The following HCN1 variants were observed in gnomAD, a reference collection of about 807,000 sequenced individuals.
The protein encoded by HCN1 is hyperpolarization activated cyclic nucleotide gated potassium channel 1, also known as potassium/sodium hyperpolarization-activated cyclic nucleotide-gated channel 1.
Under a neutral mutation model 78.9 loss-of-function variants are expected in HCN1, and 13 were observed. The observed-to-expected ratio is 0.16, with a 90% CI of 0.11 to 0.26. The LOEUF (loss-of-function observed/expected upper bound fraction) is 0.26. Ranked by LOEUF, HCN1 falls within the 10% of genes least tolerant of loss-of-function variation. The pLI, the probability that HCN1 is intolerant of heterozygous loss-of-function variation, is 1.00. For missense variants in HCN1, 810 were observed against 1,154.3 expected (o/e 0.70, Z 4.32); for synonymous variants, 552 against 455.5 (o/e 1.21, Z -2.70).
intron 2 of HCN1, among the ~76,000 whole-genome samples, chr5:45,513,898 T>C (rs1272932288): frequency 1.3e-5 from 2 of 152,066 alleles, no homozygotes; most frequent in African/African-American, 4.8e-5. Flanking sequence ...TGCAAGAATT[T>C]CCATAATGAT....
intron 3 of HCN1, among the ~76,000 whole-genome samples, chr5:45,423,015 G>A (rs1394943859): frequency 1.3e-5 from 2 of 151,888 alleles, no homozygotes; most frequent in East Asian, 3.9e-4. Context: ...TTATTATTTA[G>A]TTATTAAAAA....
chr5:45,620,432 T>C (rs1561222845), intron 2 of HCN1, among the ~76,000 whole-genome samples: 1 of 151,982 alleles, frequency 6.6e-6, no homozygotes, highest in Non-Finnish European at 1.5e-5. Flanking sequence ...GTAAGTACCC[T>C]ATATAATATT....
chr5:45,427,452 A>G (rs2112073546), intron 3 of HCN1, among the ~76,000 whole-genome samples: 1 of 152,240 alleles, frequency 6.6e-6, no homozygotes, highest in South Asian at 2.1e-4. Flanking sequence ...CTAATAAAAA[A>G]TCTTTGCCTC....
chr5:45,373,381 A>G (rs1344991639), intron 4 of HCN1, among the ~76,000 whole-genome samples: 3 of 107,464 alleles, frequency 2.8e-5, no homozygotes, highest in African/African-American at 4.6e-5. Flanking sequence ...TATTTTATAT[A>G]ATATATGTAA....
chr5:45,379,614 T>G (rs1170627187), intron 4 of HCN1, among the ~76,000 whole-genome samples: 1 of 152,130 alleles, frequency 6.6e-6, no homozygotes, highest in African/African-American at 2.4e-5. Flanking sequence ...CTTCTATTTG[T>G]GTTTTTCTGC....
At chr5:45,591,894 T>C (rs1416516209) in intron 2 of HCN1, among the ~76,000 whole-genome samples, 2 of 152,206 alleles carry the variant, frequency 1.3e-5, no homozygotes, top group Admixed American at 1.3e-4. Context: ...TCTCCTATGT[T>C]TTCTTCTAGG....
rs115883064 is a variant in HCN1, at chr5:45,577,598, C to A, written c.849+67587G>T. 2.1e-3 allele frequency among the ~76,000 whole-genome samples: 320 copies of A among 151,882 alleles called. 1 individual carries two copies. Among genetic ancestry groups the A allele is most frequent in the African/African-American group, 7.5e-3 (312 of 41,462 alleles). ...TTTTACAAAACATTTGGCCTCCAGT[C>A]CTTAAATAATAATCCATTGCAGGAT... On this transcript the variant is annotated intron_variant, in intron 2 of 7. Transcript: ENST00000303230.
At chr5:45,404,232 T>G (rs1739876665) in intron 3 of HCN1, among the ~76,000 whole-genome samples, 1 of 152,156 alleles carries the variant, frequency 6.6e-6, no homozygotes, top group Non-Finnish European at 1.5e-5. Context: ...TATATTTTAG[T>G]GTACATTACT....
chr5:45,567,943 CACAT>C lies in HCN1; in HGVS notation c.849+77238_849+77241del, dbSNP rs1181264288. 6.1e-4 allele frequency among the ~76,000 whole-genome samples: 87 copies of C among 143,386 alleles called. 1 individual carries two copies. Among genetic ancestry groups the C allele is most frequent in the African/African-American group, 1.7e-3 (69 of 40,012 alleles). The allele number at this position is 143,386 out of a possible 152,430, so 94.1% of individuals were successfully genotyped here. On this transcript the variant is annotated intron_variant, in intron 2 of 7. Transcript: ENST00000303230. The stretch of plus-strand genomic sequence containing the variant: ...ACACACACACACACACACACACACA[CACAT>C]ATACACACACTGCTATCTATGGTAA...
At chr5:45,493,565 C>T (rs1441834213) in intron 2 of HCN1, among the ~76,000 whole-genome samples, 1 of 151,338 alleles carries the variant, frequency 6.6e-6, no homozygotes, top group Non-Finnish European at 1.5e-5. Flanking sequence ...CAATGTATTT[C>T]AATTGTGTTT....
intron 2 of HCN1, among the ~76,000 whole-genome samples, chr5:45,561,820 T>C (rs1743610663): frequency 2.0e-5 from 3 of 152,230 alleles, no homozygotes; most frequent in Admixed American, 1.3e-4. Context: ...TCATACTTAC[T>C]TAACAAAATC....
intron 2 of HCN1, among the ~76,000 whole-genome samples, chr5:45,609,009 C>T (rs1461483228): frequency 6.6e-6 from 1 of 151,962 alleles, no homozygotes; most frequent in East Asian, 1.9e-4. Context: ...CAGGGAAATG[C>T]AAATTCAAAC....
chr5:45,411,099 GATAA>G (rs1430310722), intron 3 of HCN1, among the ~76,000 whole-genome samples: 1 of 152,032 alleles, frequency 6.6e-6, no homozygotes, highest in African/African-American at 2.4e-5. Context: ...ACTTGTCTCT[GATAA>G]ATAAATTCTC....
intron 2 of HCN1, chr5:45,576,324 T>A (rs1743944372): frequency 6.6e-6 from 1 of 152,184 alleles, no homozygotes; most frequent in African/African-American, 2.4e-5. Context: ...AGATTTGGAC[T>A]ATTACATAAA....
intron 2 of HCN1, among the ~76,000 whole-genome samples, chr5:45,620,563 C>CATAT (rs535553053): frequency 6.6e-6 from 1 of 150,662 alleles, no homozygotes; most frequent in African/African-American, 2.4e-5. Flanking sequence ...CTTTAAAATA[C>CATAT]ATATATATAT....
At chr5:45,499,873 T>C (rs1435177135) in intron 2 of HCN1, among the ~76,000 whole-genome samples, 2 of 152,142 alleles carry the variant, frequency 1.3e-5, no homozygotes, top group Non-Finnish European at 1.5e-5. Flanking sequence ...ATCTATCTCT[T>C]CCCAGCCTAC....
At chr5:45,584,358 CT>C (rs1311529071) in intron 2 of HCN1, among the ~76,000 whole-genome samples, 3 of 151,876 alleles carry the variant, frequency 2.0e-5, no homozygotes, top group African/African-American at 7.3e-5. Flanking sequence ...CAACCCCTGC[CT>C]TTTTTTGTTT....
intron 2 of HCN1, among the ~76,000 whole-genome samples, chr5:45,551,775 T>C (rs1191593100): frequency 6.6e-6 from 1 of 151,960 alleles, no homozygotes; most frequent in African/African-American, 2.4e-5. Flanking sequence ...AAAGGATTTA[T>C]AACAAAAACA....
intron 3 of HCN1, among the ~76,000 whole-genome samples, chr5:45,412,020 A>G (rs77707815): frequency 0.03 from 4,604 of 152,200 alleles, 271 homozygotes; most frequent in African/African-American, 0.1. Context: ...TCTTGCCTTA[A>G]CCTCCTCCAA....
Sources: gnomAD v4.1 joint callset for allele counts (sites outside exome capture counted in the v4.1 genomes callset) on GRCh38, gnomAD v4.1.1 for gene constraint, MANE v1.5 for transcripts, NCBI Gene and HGNC (gene_info 2026-07-23, HGNC 2026-07-21) for gene names.